MYO1C: variants seen among roughly 807,000 people sequenced by gnomAD.
The protein encoded by MYO1C is myosin IC, also known as unconventional myosin-Ic.
A neutral mutation model predicts 150.8 loss-of-function variants in MYO1C; 104 were observed. The ratio of observed to expected loss-of-function variants is 0.69; its 90% CI spans 0.59 to 0.81. The LOEUF is 0.81. MYO1C is among the 30% of genes least tolerant of loss of function. The pLI, the probability that MYO1C is intolerant of heterozygous loss-of-function variation, is 0.00. For missense variants in MYO1C, 1,504 were observed against 1,435.0 expected (o/e 1.05, Z -0.78); for synonymous variants, 663 against 579.9 (o/e 1.14, Z -2.06).
intron 1 of MYO1C, chr17:1,492,000 C>T: frequency 4.4e-6 from 1 of 229,570 alleles, no homozygotes; most frequent in Non-Finnish European, 8.9e-6. Context: ...ACCCGTGACC[C>T]TTCACCCACC....
At chr17:1,489,854 C>T (rs1381805780) in intron 1 of MYO1C, among the ~76,000 whole-genome samples, 1 of 151,630 alleles carries the variant, frequency 6.6e-6, no homozygotes, top group Non-Finnish European at 1.5e-5. Flanking sequence ...GCCTGGCCCA[C>T]ATGGTGAAAC....
chr17:1,481,270 G>A (rs1470072840), intron 5 of MYO1C: 6 of 277,068 alleles, frequency 2.2e-5, no homozygotes, highest in Non-Finnish European at 7.1e-6. Context: ...GGAAGCCTGT[G>A]TTTCTCCAAA....
At chr17:1,472,749 G>A (rs945339400) in intron 17 of MYO1C, among the ~76,000 whole-genome samples, 1 of 152,096 alleles carries the variant, frequency 6.6e-6, no homozygotes, top group African/African-American at 2.4e-5. Context: ...AGGGTTAGGG[G>A]GCACCAGGTG....
In MYO1C at chr17:1,477,717, C is replaced by T. The variant is rs966002617; in HGVS notation, c.1483-121G>A. The T allele has an allele frequency of 3.0e-6, 3 of 988,696 alleles. No individual in the cohort carries two copies. The African/African-American group carries it at 4.8e-5, about 16-fold the overall frequency. The allele number at this position is 988,696 out of a possible 1,614,324, so 61.2% of individuals were successfully genotyped here. A position where few individuals can be genotyped will look rare whatever the true frequency, so the allele number is the denominator to read the frequency against. ...AGGGGCAGATCACAGGGAGTCTCCA[C>T]AGAGAGCTTCCAACTGGGGCGGCAC... On this transcript the variant is annotated intron_variant, in intron 13 of 31. Transcript: ENST00000648651.
intron 1 of MYO1C, among the ~76,000 whole-genome samples, chr17:1,486,661 G>A (rs2074662348): frequency 6.6e-6 from 1 of 152,124 alleles, no homozygotes; most frequent in South Asian, 2.1e-4. Flanking sequence ...GATTACAGGC[G>A]TGCGCCACCA....
At chr17:1,470,898 G>A (rs1446235389) in intron 21 of MYO1C, 173 bp downstream of exon 21, 12 of 919,896 alleles carry the variant, frequency 1.3e-5, no homozygotes, top group Admixed American at 4.0e-5. Flanking sequence ...GAGCTGGTGG[G>A]GAGGGGCTCC....
chr17:1,478,512 G>A lies in MYO1C; in HGVS notation c.1213-20C>T, dbSNP rs759455181. 16 of 1,613,824 alleles carry A rather than the reference G, an allele frequency of 9.9e-6. No individual in the cohort carries two copies. Among genetic ancestry groups the A allele is most frequent in the African/African-American group, 2.7e-5 (2 of 74,922 alleles). On this transcript the variant is annotated intron_variant, in intron 10 of 31. Coordinates refer to ENST00000648651, the MANE Select transcript of MYO1C (RefSeq NM_001080779.2). This position sits in a 1 kb window ranked among gnomAD's most constrained non-coding sequence, Gnocchi z 6.3. ...CACGTCCTAGGGCAGTCATTCAACCGAAGGCGTGGGCCCCCTGCGCGTGCC... is the reference window on the plus strand; with the variant it reads ...CACGTCCTAGGGCAGTCATTCAACCAAAGGCGTGGGCCCCCTGCGCGTGCC...
Position 1,480,604 on chromosome 17 carries a change from A to C in MYO1C, c.829T>G (p.Ser277Ala). ...LVKGQCAKVS[S>A]INDKSDWKVV... ...TTCCAGTCACTCTTGTCGTTGATGGAGGAGACTTTGGCACACTGGCCCTGG... is the reference window on the plus strand; with the variant it reads ...TTCCAGTCACTCTTGTCGTTGATGGCGGAGACTTTGGCACACTGGCCCTGG... Residue 277 changes from serine to alanine, a missense_variant, in exon 7 of 32, where the codon TCC (serine) becomes GCC (alanine). Physicochemically the swap from Ser to Ala is moderately conservative, Grantham distance 99 (BLOSUM62 1). Transcript: ENST00000648651. 1 of 1,614,078 alleles carries C rather than the reference A, an allele frequency of 6.2e-7. No individual in the cohort carries two copies. Among genetic ancestry groups the C allele is most frequent in the Non-Finnish European group, 8.5e-7 (1 of 1,180,012 alleles).
At chr17:1,470,006 G>C (rs193150349) in intron 24 of MYO1C, among the ~76,000 whole-genome samples, 169 bp downstream of exon 24, 1 of 151,664 alleles carries the variant, frequency 6.6e-6, no homozygotes, top group African/African-American at 2.4e-5. Flanking sequence ...CTCCCTGGGC[G>C]AAAGTGTGAG....
Position 1,483,034 on chromosome 17 carries a change from G to A in MYO1C, c.373C>T (p.Arg125Ter), listed in dbSNP as rs757252129. Reference protein sequence around the residue: ...HLFAVADTVYRALRTERRDQA... With the variant: ...HLFAVADTVY ...TCCCGACGCTCCGTGCGCAGTGCTC[G>A]GTACACAGTGTCCGCCACGGCAAAC... The change falls in exon 4 of 32, where the codon CGA becomes TGA. Residue 125 changes from arginine (R) to a stop codon, truncating the protein, a stop_gained. Coordinates refer to ENST00000648651, the MANE Select transcript of MYO1C (RefSeq NM_001080779.2). LOFTEE classifies it high-confidence loss of function. The A allele has an allele frequency of 8.7e-6, 14 of 1,610,344 alleles. No individual in the cohort carries two copies. The highest frequency in any genetic ancestry group is 1.1e-5 in the Non-Finnish European group (13 of 1,179,386).
chr17:1,479,596 GT>G lies in MYO1C; in HGVS notation c.1015del (p.Thr339ProfsTer15). The part of the protein sequence containing the change: ...VTTENQLKYL[T>X]RLLSVEGSTL... ...CCCTCTGCCCGCCCCACTCACCCTG[GT>G]CAGATACTTGAGCTGGTTCTCGGTG... On this transcript the variant is annotated frameshift_variant, in exon 8 of 32. Coordinates refer to ENST00000648651, the MANE Select transcript of MYO1C (RefSeq NM_001080779.2). LOFTEE classifies it high-confidence loss of function. This position sits in a 1 kb window ranked among gnomAD's most constrained non-coding sequence, Gnocchi z 4.2. 1 of 1,611,588 alleles carries G rather than the reference GT, an allele frequency of 6.2e-7. No individual in the cohort carries two copies. Among genetic ancestry groups the G allele is most frequent in the Non-Finnish European group, 8.5e-7 (1 of 1,178,902 alleles).
chr17:1,483,645 G>C lies in MYO1C; in HGVS notation c.312C>G (p.Tyr104Ter). The C allele has an allele frequency of 6.2e-7, 1 of 1,612,848 alleles. No individual in the cohort carries two copies. The highest frequency in any genetic ancestry group is 8.5e-7 in the Non-Finnish European group (1 of 1,179,614). ...GCACTTCATAGAAGCTGACGCCACGGTAACGCTCCATATGCTGCCGGCTGT... is the reference window on the plus strand; with the variant it reads ...GCACTTCATAGAAGCTGACGCCACGCTAACGCTCCATATGCTGCCGGCTGT... ...QIYSRQHMER[Y>*]RGVSFYEVPP... Residue 104 changes from tyrosine (Y) to a stop codon, truncating the protein, a stop_gained, in exon 3 of 32, where the codon TAC becomes TAG. Coordinates refer to ENST00000648651, the MANE Select transcript of MYO1C (RefSeq NM_001080779.2). LOFTEE classifies it high-confidence loss of function.
At chr17:1,470,961 C>T in intron 21 of MYO1C, 110 bp downstream of exon 21, 1 of 1,241,830 alleles carries the variant, frequency 8.1e-7, no homozygotes, top group Non-Finnish European at 1.2e-6. Flanking sequence ...GGGCGTGGGG[C>T]TGGAGCTGAT....
rs201716389 is a variant in MYO1C at position 1,483,711 on chromosome 17, G to C, written c.246C>G (p.Pro82=). Residue 82 remains proline, a synonymous_variant, in exon 3 of 32, where the codon CCC becomes CCG. Transcript: ENST00000648651. ...GGTAGGGATTGACAGAGACCAGGAC[G>C]GGGCCAATGTAGGTCTGGGATCGGG... ...RENLIYTYIG[P]VLVSVNPYRD... 1.2e-5 allele frequency: 20 copies of C among 1,611,620 alleles called. No individual in the cohort carries two copies. Among genetic ancestry groups the C allele is most frequent in the Non-Finnish European group, 1.7e-5 (20 of 1,179,096 alleles).
chr17:1,482,510 C>A lies in MYO1C; in HGVS notation c.595G>T (p.Gly199Trp). 6.2e-7 allele frequency: 1 copy of A among 1,614,088 alleles called. No individual in the cohort carries two copies. The highest frequency in any genetic ancestry group is 8.5e-7 in the Non-Finnish European group (1 of 1,179,972). Residue 199 changes from glycine to tryptophan, a missense_variant, in exon 5 of 32, where the codon GGG becomes TGG. Physicochemically the swap from Gly to Trp is radical, Grantham distance 184 (BLOSUM62 -2). Transcript: ENST00000648651. ...TLRNDNSSRF[G>W]KYMDVQFDFK... ...TCAAACTGCACATCCATGTACTTCCCGAACCTGCTGGAGTTATCGTTCCGG... is the reference window on the plus strand; with the variant it reads ...TCAAACTGCACATCCATGTACTTCCAGAACCTGCTGGAGTTATCGTTCCGG...
intron 1 of MYO1C, among the ~76,000 whole-genome samples, chr17:1,488,964 G>A (rs1020533247): frequency 1.8e-4 from 27 of 152,164 alleles, no homozygotes; most frequent in African/African-American, 6.5e-4. Context: ...TGACTTCTGC[G>A]GACAGCGGAA....
Position 1,468,137 on chromosome 17 carries a change from C to A in MYO1C, c.2761-14G>T, listed in dbSNP as rs371263568. ...AGGCACCGCATACTGGGGACAGAGG[C>A]CAGGCTGAAGGGGCTGGGGAGAGGC... On this transcript the variant is annotated splice_polypyrimidine_tract_variant and intron_variant, in intron 27 of 31. Transcript: ENST00000648651. 42 of 1,613,108 alleles carry A rather than the reference C, an allele frequency of 2.6e-5. No homozygotes were observed. In the African/African-American group the frequency reaches 4.9e-4, roughly 19 times the overall value.
Position 1,470,636 on chromosome 17 carries a change from G to A in MYO1C, c.2266C>T (p.Arg756Trp), listed in dbSNP as rs1189061448. 1.5e-5 allele frequency: 24 copies of A among 1,592,784 alleles called. No homozygotes were observed. The highest frequency in any genetic ancestry group is 3.3e-4 in the Middle Eastern group (2 of 6,006). Residue 756 changes from arginine (R) to tryptophan (W), a missense_variant, in exon 22 of 32, where the codon CGG becomes TGG. Transcript: ENST00000648651. ...RGFHWRQKFLRVKRSAICIQS... is the reference protein window; with the variant it reads ...RGFHWRQKFLWVKRSAICIQS... ...GCCCGCGAACCTGATCTCTTCACCC[G>A]GAGGAATTTCTGCCGCCAGTGAAAG...
At chr17:1,473,695 T>C (rs1452047323) in intron 17 of MYO1C, among the ~76,000 whole-genome samples, 1 of 152,088 alleles carries the variant, frequency 6.6e-6, no homozygotes, top group East Asian at 1.9e-4. Flanking sequence ...TGCCTGCCTT[T>C]CCCCCGGTCC....
Sources: allele counts gnomAD v4.1 joint callset (sites outside exome capture counted in the v4.1 genomes callset), GRCh38; gene constraint gnomAD v4.1.1; non-coding constraint Gnocchi (gnomAD v3.1); transcripts MANE v1.5; gene names NCBI Gene and HGNC (gene_info 2026-07-23, HGNC 2026-07-21).